The following MAPRE2 variants were observed in gnomAD, a reference collection of about 807,000 sequenced individuals.
MAPRE2 encodes microtubule associated protein RP/EB family member 2, also known as microtubule-associated protein RP/EB family member 2.
MAPRE2 carries 13 observed loss-of-function variants against 43.2 expected under a neutral mutation model. The ratio of observed to expected loss-of-function variants is 0.30; its 90% CI spans 0.20 to 0.48. The LOEUF (loss-of-function observed/expected upper bound fraction) is 0.48, where lower values mean the gene tolerates loss of function less well. MAPRE2 is among the 20% of genes least tolerant of loss of function. The probability of loss-of-function intolerance (pLI) is 0.99; values close to 1 mark genes in which losing one functional copy is unlikely to be tolerated. For missense variants in MAPRE2, 161 were observed against 400.2 expected (o/e 0.40, Z 5.10); for synonymous variants, 135 against 148.8 (o/e 0.91, Z 0.68).
chr18:35,039,342 A>T (rs1384451742), upstream of MAPRE2, among the ~76,000 whole-genome samples: 1 of 152,234 alleles, frequency 6.6e-6, no homozygotes, highest in Non-Finnish European at 1.5e-5. Context: ...TGCAAGAATG[A>T]CTACACTCTC....
chr18:35,038,933 G>A (rs948238421), upstream of MAPRE2, among the ~76,000 whole-genome samples: 4 of 152,100 alleles, frequency 2.6e-5, no homozygotes, highest in African/African-American at 9.7e-5. Context: ...CTGACTCACA[G>A]CCCCTCCCTT....
intron 2 of MAPRE2, among the ~76,000 whole-genome samples, chr18:35,035,961 T>C (rs970132693): frequency 6.8e-6 from 1 of 146,392 alleles, no homozygotes; most frequent in African/African-American, 2.5e-5. Flanking sequence ...CATTAAGACC[T>C]ATATATTCCC....
chr18:35,117,338 A>G (rs1909459962), intron 4 of MAPRE2, among the ~76,000 whole-genome samples: 1 of 152,152 alleles, frequency 6.6e-6, no homozygotes, highest in South Asian at 2.1e-4. Flanking sequence ...TCTGGATAAG[A>G]TGGTGTTAAT....
At chr18:35,137,027 A>G (rs1214918198) in intron 6 of MAPRE2, among the ~76,000 whole-genome samples, 1 of 152,200 alleles carries the variant, frequency 6.6e-6, no homozygotes, top group Non-Finnish European at 1.5e-5. Context: ...TAAGGCATAG[A>G]AAAAGATTGT....
At chr18:35,069,034 TTGAA>T (rs1423354955) in intron 1 of MAPRE2, among the ~76,000 whole-genome samples, 5 of 152,172 alleles carry the variant, frequency 3.3e-5, no homozygotes, top group Non-Finnish European at 7.3e-5. Context: ...CCATTAGAAC[TTGAA>T]TAAGATCAAG....
At chr18:35,135,158 G>C (rs995954783) in intron 6 of MAPRE2, among the ~76,000 whole-genome samples, 8 of 152,208 alleles carry the variant, frequency 5.3e-5, no homozygotes, top group Non-Finnish European at 1.2e-4. Flanking sequence ...CTCCAAAAGA[G>C]ACACATCAGG....
chr18:34,981,891 T>TTTA (rs1568959699), intron 1 of MAPRE2, among the ~76,000 whole-genome samples: 1,273 of 29,218 alleles, frequency 0.044, 35 homozygotes, highest in African/African-American at 0.088. Flanking sequence ...TTATTTATTT[T>TTTA]TTTTTTTTTT....
At chr18:35,087,388 A>G (rs9955124) in intron 2 of MAPRE2, among the ~76,000 whole-genome samples, 4,367 of 152,256 alleles carry the variant, frequency 0.029, 199 homozygotes, top group African/African-American at 0.1. Flanking sequence ...GCATCCTACA[A>G]TTTGGGTTGT....
At chr18:35,107,296 A>G (rs186405482) in intron 4 of MAPRE2, among the ~76,000 whole-genome samples, 2,228 of 152,310 alleles carry the variant, frequency 0.015, 32 homozygotes, top group South Asian at 0.05. Context: ...GTAGATTTGA[A>G]TAAATCCTAA....
chr18:35,061,504 G>A (rs1372416770), intron 1 of MAPRE2, among the ~76,000 whole-genome samples: 4 of 152,166 alleles, frequency 2.6e-5, no homozygotes, highest in Non-Finnish European at 5.9e-5. Flanking sequence ...TCTGTGCCTG[G>A]AGGAGTTGGT....
At chr18:35,105,798 A>G (rs936956422) in intron 4 of MAPRE2, among the ~76,000 whole-genome samples, 4 of 152,102 alleles carry the variant, frequency 2.6e-5, no homozygotes, top group Non-Finnish European at 5.9e-5. Context: ...AAAGAGCCTC[A>G]TAGTATCCTG....
At position 35,140,700 on chromosome 18, in the gene MAPRE2, T is replaced by C. The variant is rs1910596997; in HGVS notation, c.*331T>C. On this transcript the variant is annotated 3_prime_UTR_variant, in exon 7 of 7. Transcript: ENST00000300249. ...ACCCCAACACCACTGCCACCACCCC[T>C]CTTTTTATCCTGGTGTGAAACAATG... 1 of 299,918 alleles carries C rather than the reference T, an allele frequency of 3.3e-6. No homozygotes were observed. The highest frequency in any genetic ancestry group is 6.2e-6 in the Non-Finnish European group (1 of 161,110). 18.6% of individuals were successfully genotyped at this position (299,918 alleles called of 1,614,324 possible). A position where few individuals can be genotyped will look rare whatever the true frequency, so the allele number is the denominator to read the frequency against.
At chr18:35,049,009 C>A (rs1445236768) in intron 1 of MAPRE2, among the ~76,000 whole-genome samples, 1 of 152,044 alleles carries the variant, frequency 6.6e-6, no homozygotes, top group East Asian at 1.9e-4. Flanking sequence ...CTTTAGATTT[C>A]TGTGATCCTA....
rs77950156 is a variant in MAPRE2, at chr18:35,136,290, C to T, written c.910-4005C>T. Among the ~76,000 whole-genome samples, 113 of 152,290 alleles carry T rather than the reference C, an allele frequency of 7.4e-4. 2 individuals are homozygous for T. In the East Asian group the frequency reaches 0.02, roughly 27 times the overall value. On this transcript the variant is annotated intron_variant, in intron 6 of 6. Coordinates refer to ENST00000300249, the MANE Select transcript of MAPRE2 (RefSeq NM_014268.4). ...CAGCTGAAGGGCACCAGCTTATGAACAGTTACTTGTTTCCTGCAGGGACAG... is the reference window on the plus strand; with the variant it reads ...CAGCTGAAGGGCACCAGCTTATGAATAGTTACTTGTTTCCTGCAGGGACAG...
At position 35,143,201 on chromosome 18, in the gene MAPRE2, A is replaced by G. The variant is rs913983180; in HGVS notation, c.*2832A>G. On this transcript the variant is annotated 3_prime_UTR_variant, in exon 7 of 7. Transcript: ENST00000300249. ...TTCCGTTAAGGTTTAATATGCATTCAGATTACTTTTACTAAATAGGACACC... is the reference window on the plus strand; with the variant it reads ...TTCCGTTAAGGTTTAATATGCATTCGGATTACTTTTACTAAATAGGACACC... 6.6e-6 allele frequency: 1 copy of G among 152,120 alleles called. No individual in the cohort carries two copies. The highest frequency in any genetic ancestry group is 2.4e-5 in the African/African-American group (1 of 41,434). 9.4% of individuals were successfully genotyped at this position (152,120 alleles called of 1,614,324 possible). A position where few individuals can be genotyped will look rare whatever the true frequency, so the allele number is the denominator to read the frequency against.
intron 1 of MAPRE2, among the ~76,000 whole-genome samples, chr18:34,983,365 A>G (rs1374074658): frequency 2.0e-5 from 3 of 152,232 alleles, no homozygotes; most frequent in Non-Finnish European, 4.4e-5. Flanking sequence ...TGCAATACTA[A>G]CTAGTAACCG....
At chr18:35,091,339 A>G (rs1908140572) in intron 2 of MAPRE2, among the ~76,000 whole-genome samples, 1 of 152,246 alleles carries the variant, frequency 6.6e-6, no homozygotes, top group Non-Finnish European at 1.5e-5. Context: ...TATATGAAGC[A>G]TAAACGATTT....
chr18:35,039,951 C>T (rs1023607592), upstream of MAPRE2, among the ~76,000 whole-genome samples: 1 of 152,210 alleles, frequency 6.6e-6, no homozygotes, highest in Admixed American at 6.5e-5. Context: ...GTGGCTCATG[C>T]CTGTAATCCT....
At chr18:35,003,182 ACTTCTATC>A (rs2097030210) in intron 1 of MAPRE2, among the ~76,000 whole-genome samples, 1 of 152,156 alleles carries the variant, frequency 6.6e-6, no homozygotes, top group Non-Finnish European at 1.5e-5. Flanking sequence ...GGAAGGCTAG[ACTTCTATC>A]CTTGCAAGGC....
Sources: gnomAD v4.1 joint callset for allele counts (sites outside exome capture counted in the v4.1 genomes callset) on GRCh38, gnomAD v4.1.1 for gene constraint, MANE v1.5 for transcripts, NCBI Gene and HGNC (gene_info 2026-07-23, HGNC 2026-07-21) for gene names.